The following MYT1L variants were observed in gnomAD, a reference collection of about 807,000 sequenced individuals.
MYT1L encodes myelin transcription factor 1-like protein.
A neutral mutation model predicts 126.7 loss-of-function variants in MYT1L; 12 were observed. The observed-to-expected ratio is 0.09, with a 90% CI of 0.06 to 0.15. MYT1L has a LOEUF of 0.15. MYT1L is among the 10% of genes least tolerant of loss of function. The pLI, the probability that MYT1L is intolerant of heterozygous loss-of-function variation, is 1.00. For missense variants in MYT1L, 979 were observed against 1,585.2 expected, an observed-to-expected ratio of 0.62 and a Z score of 6.49; for synonymous variants, 541 against 604.2, an observed-to-expected ratio of 0.90 and a Z score of 1.53.
rs80251631 is a variant in MYT1L, at chr2:2,132,740, A to T, written c.-304+40132T>A. On this transcript the variant is annotated intron_variant, in intron 3 of 24. Coordinates refer to ENST00000647738, the MANE Select transcript of MYT1L (RefSeq NM_001303052.2). ...AAGTATCCCAGAACTTAAAAGTAAA[A>T]TTTAAGAAAGACAGAGAGAGACAAA... 1.2e-3 allele frequency among the ~76,000 whole-genome samples: 182 copies of T among 152,314 alleles called. 1 individual carries two copies. In the East Asian group the frequency reaches 0.029, roughly 24 times the overall value.
At chr2:1,798,753 G>A (rs1165040359) in intron 23 of MYT1L, among the ~76,000 whole-genome samples, 3 of 152,250 alleles carry the variant, frequency 2.0e-5, no homozygotes, top group African/African-American at 7.2e-5. Context: ...CAAGGGGCAT[G>A]AAGGCTGCTG....
intron 2 of MYT1L, among the ~76,000 whole-genome samples, chr2:2,265,577 T>C (rs868051962): frequency 1.3e-5 from 2 of 152,176 alleles, no homozygotes; most frequent in African/African-American, 2.4e-5. Flanking sequence ...CTAATTGGGA[T>C]TTGGGATGAT....
At chr2:2,308,059 T>G (rs1475815520) in intron 1 of MYT1L, among the ~76,000 whole-genome samples, 3 of 151,896 alleles carry the variant, frequency 2.0e-5, no homozygotes, top group African/African-American at 7.3e-5. Context: ...ATACTCCACC[T>G]ATGCTTCATC....
intron 19 of MYT1L, chr2:1,842,212 G>C (rs1440729853): frequency 6.6e-6 from 1 of 152,252 alleles, no homozygotes; most frequent in Non-Finnish European, 1.5e-5. Flanking sequence ...CAGATTCCCA[G>C]GAGGAAGTGC....
In MYT1L at chr2:2,154,878, A is replaced by C. The variant is rs572097146; in HGVS notation, c.-304+17994T>G. 2.6e-5 allele frequency among the ~76,000 whole-genome samples: 4 copies of C among 152,316 alleles called. No homozygotes were observed. The East Asian group carries it at 7.7e-4, about 29-fold the overall frequency. ...GCAGTGGCTCATGCCTATAATCCCAACACTTTGGGAGGCTGAGGCAGGCAA... is the reference window on the plus strand; with the variant it reads ...GCAGTGGCTCATGCCTATAATCCCACCACTTTGGGAGGCTGAGGCAGGCAA... On this transcript the variant is annotated intron_variant, in intron 3 of 24. Transcript: ENST00000647738.
intron 1 of MYT1L, among the ~76,000 whole-genome samples, chr2:2,301,605 G>T (rs1049044155): frequency 2.0e-5 from 3 of 152,034 alleles, no homozygotes; most frequent in Non-Finnish European, 4.4e-5. Context: ...GAGGCAGTAG[G>T]ATCACTTGAG....
chr2:2,137,688 T>C (rs554157302), intron 3 of MYT1L, among the ~76,000 whole-genome samples: 2 of 152,218 alleles, frequency 1.3e-5, no homozygotes, highest in South Asian at 2.1e-4. Flanking sequence ...CAAAAATCAA[T>C]TCAAGATGGA....
At chr2:2,007,588 C>A (rs772063823) in intron 4 of MYT1L, among the ~76,000 whole-genome samples, 13 of 152,164 alleles carry the variant, frequency 8.5e-5, no homozygotes, top group Non-Finnish European at 1.6e-4. Flanking sequence ...TGCTTCGGAA[C>A]AAAGGGAAAG....
At chr2:1,864,418 CG>C (rs2045174686) in intron 18 of MYT1L, among the ~76,000 whole-genome samples, 1 of 152,218 alleles carries the variant, frequency 6.6e-6, no homozygotes, top group African/African-American at 2.4e-5. Flanking sequence ...CTGCCAGCTC[CG>C]GCCTTCCCAG....
At chr2:1,906,343 A>C (rs1374033100) in intron 13 of MYT1L, among the ~76,000 whole-genome samples, 2 of 152,164 alleles carry the variant, frequency 1.3e-5, no homozygotes, top group Non-Finnish European at 2.9e-5. Context: ...AAATCAATGA[A>C]TATTATACTA....
chr2:1,978,192 A>G (rs2149484185), intron 8 of MYT1L, among the ~76,000 whole-genome samples: 1 of 152,312 alleles, frequency 6.6e-6, no homozygotes, highest in South Asian at 2.1e-4. Flanking sequence ...ATGTTTCACT[A>G]AAAAGGAAAT....
intron 4 of MYT1L, among the ~76,000 whole-genome samples, chr2:2,028,880 C>T (rs1406450358): frequency 1.3e-5 from 2 of 152,010 alleles, no homozygotes; most frequent in African/African-American, 4.8e-5. Context: ...AGAAGGGGAA[C>T]ATCATAACCA....
chr2:1,815,911 C>A (rs930166614), intron 21 of MYT1L, among the ~76,000 whole-genome samples: 1 of 152,258 alleles, frequency 6.6e-6, no homozygotes, highest in Non-Finnish European at 1.5e-5. Context: ...CACGGCACCG[C>A]CCCGAGAAAC....
intron 1 of MYT1L, among the ~76,000 whole-genome samples, chr2:2,307,453 AT>A (rs1317181900): frequency 6.6e-6 from 1 of 152,130 alleles, no homozygotes; most frequent in African/African-American, 2.4e-5. Flanking sequence ...TGGGAGGACA[AT>A]TTTAGAGATA....
At chr2:1,915,669 G>T (rs1388370749) in intron 11 of MYT1L, among the ~76,000 whole-genome samples, 4 of 152,204 alleles carry the variant, frequency 2.6e-5, no homozygotes, top group African/African-American at 4.8e-5. Context: ...CGTGTGTTCA[G>T]ACAGAAACTG....
intron 4 of MYT1L, among the ~76,000 whole-genome samples, chr2:2,017,875 G>T (rs148117619): frequency 6.6e-6 from 1 of 152,178 alleles, no homozygotes; most frequent in East Asian, 1.9e-4. Flanking sequence ...CAAAATTTTG[G>T]ACCTTTAAGG....
intron 4 of MYT1L, among the ~76,000 whole-genome samples, chr2:2,018,917 A>G (rs1384859798): frequency 6.6e-6 from 1 of 152,166 alleles, no homozygotes. Flanking sequence ...GGCATATTAC[A>G]TAGAGCTGGG....
At chr2:1,896,245 C>A (rs1403188536) in intron 14 of MYT1L, among the ~76,000 whole-genome samples, 2 of 152,242 alleles carry the variant, frequency 1.3e-5, no homozygotes, top group East Asian at 3.9e-4. Context: ...GGTGGAAATG[C>A]AAATTAGTTC....
intron 4 of MYT1L, among the ~76,000 whole-genome samples, chr2:2,031,610 C>A (rs1350400556): frequency 7.4e-6 from 1 of 135,456 alleles, no homozygotes; most frequent in Non-Finnish European, 1.6e-5. Context: ...CATCCTGTGG[C>A]CCAGAGCAGA....
Sources: gnomAD v4.1 joint callset for allele counts (sites outside exome capture counted in the v4.1 genomes callset) on GRCh38, gnomAD v4.1.1 for gene constraint, MANE v1.5 for transcripts, NCBI Gene and HGNC (gene_info 2026-07-23, HGNC 2026-07-21) for gene names.